CEP295: variants seen among roughly 807,000 people sequenced by gnomAD.
The protein encoded by CEP295 is centrosomal protein of 295 kDa.
CEP295 carries 190 observed loss-of-function variants against 291.6 expected under a neutral mutation model. The ratio of observed to expected loss-of-function variants is 0.65; its 90% CI spans 0.58 to 0.73. The LOEUF (loss-of-function observed/expected upper bound fraction) is 0.73, where lower values mean the gene tolerates loss of function less well. CEP295 is among the 30% of genes least tolerant of loss of function. The pLI, the probability that CEP295 is intolerant of heterozygous loss-of-function variation, is 0.00. For missense variants in CEP295, 2,863 were observed against 2,949.4 expected (o/e 0.97, Z 0.68); for synonymous variants, 993 against 1,038.8 (o/e 0.96, Z 0.85).
intron 1 of CEP295, among the ~76,000 whole-genome samples, chr11:93,665,207 C>T (rs1430718930): frequency 3.3e-5 from 5 of 152,180 alleles, no homozygotes; most frequent in Admixed American, 1.3e-4. Flanking sequence ...AGATAAAATG[C>T]TCATGTACTC....
intron 12 of CEP295, among the ~76,000 whole-genome samples, chr11:93,695,062 C>G (rs987910816): frequency 4.6e-5 from 7 of 152,088 alleles, no homozygotes; most frequent in African/African-American, 1.7e-4. Flanking sequence ...GATAACTATC[C>G]CTCTTAATGA....
Position 93,697,969 on chromosome 11 carries a change from G to A in CEP295, c.3057G>A (p.Glu1019=). The change falls in exon 15 of 30, where the codon GAG becomes GAA. Residue 1019 remains glutamate (E), a synonymous_variant. Transcript: ENST00000325212. ...SADTKSGKIQ[E]QHSSKSEKGL... The stretch of plus-strand genomic sequence containing the variant: ...ATACAAAATCTGGAAAAATACAGGA[G>A]CAACATTCATCTAAGAGCGAGAAAG... 1 of 1,551,654 alleles carries A rather than the reference G, an allele frequency of 6.4e-7. No homozygotes were observed. The highest frequency in any genetic ancestry group is 8.7e-7 in the Non-Finnish European group (1 of 1,146,980).
chr11:93,702,768 C>G lies in CEP295; in HGVS notation c.5453-8C>G. ...GTATTGTATCCAACTTTGTCATTGA[C>G]TTAATAGGTGAGCATCTGGAGAAAG... On this transcript the variant is annotated splice_region_variant and splice_polypyrimidine_tract_variant and intron_variant, in intron 16 of 29. Transcript: ENST00000325212. 6.4e-7 allele frequency: 1 copy of G among 1,550,786 alleles called. No individual in the cohort carries two copies. Among genetic ancestry groups the G allele is most frequent in the Non-Finnish European group, 8.7e-7 (1 of 1,146,660 alleles).
At chr11:93,686,814 A>G (rs1187754263) in intron 9 of CEP295, among the ~76,000 whole-genome samples, 1 of 152,226 alleles carries the variant, frequency 6.6e-6, no homozygotes, top group Non-Finnish European at 1.5e-5. Context: ...TGTGAAATTC[A>G]GTAAGCTATA....
intron 15 of CEP295, among the ~76,000 whole-genome samples, chr11:93,700,430 T>C (rs1417292234): frequency 6.7e-6 from 1 of 149,756 alleles, no homozygotes; most frequent in Non-Finnish European, 1.5e-5. Context: ...TTTTTGCTTT[T>C]TTTTTTTTTT....
At chr11:93,691,423 CTA>C (rs1207235250) in intron 10 of CEP295, among the ~76,000 whole-genome samples, 1 of 152,118 alleles carries the variant, frequency 6.6e-6, no homozygotes, top group Non-Finnish European at 1.5e-5. Flanking sequence ...TGCCTTTCTC[CTA>C]TGTTTGAAAT....
intron 5 of CEP295, among the ~76,000 whole-genome samples, chr11:93,671,160 G>A (rs770454916): frequency 7.9e-5 from 12 of 152,186 alleles, no homozygotes; most frequent in Non-Finnish European, 1.8e-4. Flanking sequence ...TAGGATTACA[G>A]ATGTGAGCCA....
chr11:93,706,982 A>G (rs1437488593), intron 18 of CEP295, 85 bp downstream of exon 18: 1 of 1,193,540 alleles, frequency 8.4e-7, no homozygotes. Flanking sequence ...GTAATGGTGA[A>G]AAATGGTAAA....
In CEP295 at chr11:93,729,512, C is replaced by G. The variant is rs1277843574; in HGVS notation, c.7381C>G (p.Pro2461Ala). ...TGTATCAGAACTTTCCATAGAAAAACCAAGGACAGCATCTACAGGTAAGCC... is the reference window on the plus strand; with the variant it reads ...TGTATCAGAACTTTCCATAGAAAAAGCAAGGACAGCATCTACAGGTAAGCC... ...PAVSELSIEK[P>A]RTASTETPRR... The change falls in exon 26 of 30, where the codon CCA (proline) becomes GCA (alanine). Residue 2461 changes from proline to alanine, a missense_variant. Coordinates refer to ENST00000325212, the MANE Select transcript of CEP295 (RefSeq NM_033395.2). 2.6e-6 allele frequency: 4 copies of G among 1,551,624 alleles called. No individual in the cohort carries two copies. The highest frequency in any genetic ancestry group is 3.5e-6 in the Non-Finnish European group (4 of 1,146,894).
At chr11:93,681,732 A>G (rs1476192738) in intron 7 of CEP295, among the ~76,000 whole-genome samples, 1 of 151,772 alleles carries the variant, frequency 6.6e-6, no homozygotes, top group Non-Finnish European at 1.5e-5. Flanking sequence ...TTGTATTTTT[A>G]GTAGAGACGG....
At chr11:93,686,639 G>A (rs1455777951) in intron 9 of CEP295, among the ~76,000 whole-genome samples, 1 of 152,148 alleles carries the variant, frequency 6.6e-6, no homozygotes, top group Non-Finnish European at 1.5e-5. Context: ...CTAAATGTGT[G>A]ATTCCATGTT....
rs1355254677 is a variant in CEP295, at chr11:93,697,280, G to T, written c.2368G>T (p.Val790Leu). 4 of 1,551,676 alleles carry T rather than the reference G, an allele frequency of 2.6e-6. No individual in the cohort carries two copies. Among genetic ancestry groups the T allele is most frequent in the Non-Finnish European group, 3.5e-6 (4 of 1,147,010 alleles). ...LTEPSSFVPLVPQHSFSSLPV... is the reference protein window; with the variant it reads ...LTEPSSFVPLLPQHSFSSLPV... The stretch of plus-strand genomic sequence containing the variant: ...TGAACCTTCTTCATTTGTACCACTG[G>T]TACCTCAGCATTCTTTTAGTTCTCT... The change falls in exon 15 of 30, where the codon GTA (valine) becomes TTA (leucine). Residue 790 changes from valine to leucine, a missense_variant. Around this residue, in one of 3 missense-constraint regions of CEP295, gnomAD observed 2,295 missense variants for 2,335.7 expected, o/e 0.98. Transcript: ENST00000325212.
intron 5 of CEP295, among the ~76,000 whole-genome samples, chr11:93,670,071 T>C (rs1950361839): frequency 6.6e-6 from 1 of 152,164 alleles, no homozygotes; most frequent in South Asian, 2.1e-4. Flanking sequence ...CAAAAAAATT[T>C]TGTTGTTTGG....
At chr11:93,726,411 G>T (rs1954141551) in intron 23 of CEP295, among the ~76,000 whole-genome samples, 1 of 152,196 alleles carries the variant, frequency 6.6e-6, no homozygotes, top group African/African-American at 2.4e-5. Flanking sequence ...TGGGATTACA[G>T]GTGTGAGCCA....
intron 23 of CEP295, 99 bp downstream of exon 23, chr11:93,725,930 C>T: frequency 2.3e-6 from 2 of 873,262 alleles, no homozygotes; most frequent in Non-Finnish European, 3.6e-6. Context: ...GTCTTCACCC[C>T]TGCTCTCACC....
intron 22 of CEP295, among the ~76,000 whole-genome samples, chr11:93,724,630 C>T (rs576067779): frequency 2.0e-5 from 3 of 151,750 alleles, no homozygotes; most frequent in Admixed American, 6.6e-5. Flanking sequence ...AGCCAGGTGT[C>T]GTGGTGCGCA....
At chr11:93,725,892 AG>A in intron 23 of CEP295, 61 bp downstream of exon 23, 3 of 1,413,096 alleles carry the variant, frequency 2.1e-6, no homozygotes, top group Non-Finnish European at 2.9e-6. Context: ...CCATTTCCTT[AG>A]AAATTAAGCC....
Position 93,700,150 on chromosome 11 carries a change from TGAA to T in CEP295, c.5241_5243del (p.Glu1748del), listed in dbSNP as rs1292404695. 2 of 1,550,372 alleles carry T rather than the reference TGAA, an allele frequency of 1.3e-6. No homozygotes were observed. The highest frequency in any genetic ancestry group is 1.7e-6 in the Non-Finnish European group (2 of 1,146,672). ...CATTGCAGCAGCAGATACAGAAACA[TGAA>T]GAGACTTTGAAGGATTTCTTTAAAG... On this transcript the variant is annotated inframe_deletion, in exon 15 of 30. Coordinates refer to ENST00000325212, the MANE Select transcript of CEP295 (RefSeq NM_033395.2).
At chr11:93,716,077 G>A (rs1953220797) in intron 18 of CEP295, among the ~76,000 whole-genome samples, 1 of 152,152 alleles carries the variant, frequency 6.6e-6, no homozygotes, top group African/African-American at 2.4e-5. Context: ...TGCAGTTGCA[G>A]TCTTTGTGGC....
Sources: allele counts gnomAD v4.1 joint callset (sites outside exome capture counted in the v4.1 genomes callset), GRCh38; gene constraint gnomAD v4.1.1; regional missense constraint gnomAD v4.1.1; transcripts MANE v1.5; gene names NCBI Gene and HGNC (gene_info 2026-07-23, HGNC 2026-07-21).